KCNN1: variants seen among roughly 807,000 people sequenced by gnomAD.
KCNN1 encodes potassium calcium-activated channel subfamily N member 1.
A neutral mutation model predicts 44.7 loss-of-function variants in KCNN1; 20 were observed. That is an observed-to-expected ratio of 0.45 (90% CI 0.32 to 0.65). KCNN1 has a LOEUF of 0.65. Among genes scored for constraint, KCNN1 ranks in the 30% least tolerant of loss-of-function variants. The probability of loss-of-function intolerance (pLI) is 0.05; values close to 1 mark genes in which losing one functional copy is unlikely to be tolerated. For missense variants in KCNN1, 632 were observed against 785.3 expected (o/e 0.80, Z 2.33); for synonymous variants, 324 against 341.7 (o/e 0.95, Z 0.57).
At chr19:17,965,411 G>A (rs1451151397), upstream of KCNN1, among the ~76,000 whole-genome samples, 1 of 152,166 alleles carries the variant, frequency 6.6e-6, no homozygotes, top group African/African-American at 2.4e-5. Context: ...GGGGCCAGGA[G>A]CATTGAATGT....
intron 7 of KCNN1, among the ~76,000 whole-genome samples, chr19:17,991,813 C>T (rs1044507466): frequency 4.6e-5 from 7 of 152,118 alleles, no homozygotes; most frequent in Admixed American, 6.6e-5. Flanking sequence ...TGGGCCAGAC[C>T]GTTTCTGTCC....
intron 2 of KCNN1, among the ~76,000 whole-genome samples, chr19:17,957,979 G>A (rs1265494886): frequency 3.9e-5 from 6 of 152,192 alleles, no homozygotes; most frequent in African/African-American, 4.8e-5. Flanking sequence ...GATGAAATGT[G>A]GCCAGGTTTC....
rs767248314 is a variant in KCNN1 at position 17,993,560 on chromosome 19, G to A, written c.1377+1G>A. 6.2e-7 allele frequency: 1 copy of A among 1,613,718 alleles called. No homozygotes were observed. Among genetic ancestry groups the A allele is most frequent in the Admixed American group, 1.7e-5 (1 of 60,022 alleles). ...TAACACGCTTACCGACCTAGCCAAG[G>A]TGAGTGGGTTGGGGCAGGGTGGGCC... On this transcript the variant is annotated splice_donor_variant, in intron 9 of 9. Transcript: ENST00000684775. LOFTEE classifies it high-confidence loss of function. This position sits in a 1 kb window ranked among gnomAD's most constrained non-coding sequence, Gnocchi z 4.5.
At chr19:17,987,657 G>A (rs148478034) in intron 5 of KCNN1, among the ~76,000 whole-genome samples, 112 of 152,088 alleles carry the variant, frequency 7.4e-4, no homozygotes, top group African/African-American at 2.5e-3. Context: ...GCCCCTGCTT[G>A]TGCTCTAGGC....
intron 1 of KCNN1, among the ~76,000 whole-genome samples, chr19:17,952,775 C>T (rs974111978): frequency 6.6e-6 from 1 of 152,132 alleles, no homozygotes; most frequent in African/African-American, 2.4e-5. Flanking sequence ...AGGAGGGAAC[C>T]CCCCACCTGC....
At chr19:17,965,120 C>G (rs2031766825), upstream of KCNN1, among the ~76,000 whole-genome samples, 1 of 151,922 alleles carries the variant, frequency 6.6e-6, no homozygotes, top group Non-Finnish European at 1.5e-5. Flanking sequence ...CAAAAATTAG[C>G]CAGGTTTGGT....
Position 17,983,868 on chromosome 19 carries a change from G to A in KCNN1, c.918-1444G>A, listed in dbSNP as rs1332045511. ...CTCAGATGTTTTGGTGTAAGATGGGGGTCAGTCAGCTGGGCACCGTGGCTC... is the reference window on the plus strand; with the variant it reads ...CTCAGATGTTTTGGTGTAAGATGGGAGTCAGTCAGCTGGGCACCGTGGCTC... On this transcript the variant is annotated intron_variant, in intron 4 of 9. Transcript: ENST00000684775. The surrounding 1 kb of genome is among the most constrained non-coding windows in gnomAD (Gnocchi z 4.5). Among the ~76,000 whole-genome samples, 1 of 151,976 alleles carries A rather than the reference G, an allele frequency of 6.6e-6. No individual in the cohort carries two copies. Among genetic ancestry groups the A allele is most frequent in the Non-Finnish European group, 1.5e-5 (1 of 67,984 alleles).
In KCNN1 at chr19:17,967,145, G is replaced by T. The variant is rs956292091; in HGVS notation, c.-254G>T. ...CCGCCGGGCCCGTGGACTGGGCGGC[G>T]GGGGATGCGCCTGCCGCCGCCGCCC... is the stretch of plus-strand genomic sequence containing the variant. On this transcript the variant is annotated 5_prime_UTR_variant, in exon 1 of 10. Transcript: ENST00000684775. The T allele has an allele frequency of 3.1e-6, 3 of 970,662 alleles. No homozygotes were observed. The highest frequency in any genetic ancestry group is 5.3e-4 in the Middle Eastern group (1 of 1,904). 60.1% of individuals were successfully genotyped at this position (970,662 alleles called of 1,614,324 possible).
In KCNN1 at chr19:17,993,125, AG is replaced by A. The variant is rs914829891; in HGVS notation, c.1307+68del. ...TCGGGGGTGCATGGTGGTCACAGAC[AG>A]GGGGTACACCCGGGGCATGCCAACC... On this transcript the variant is annotated intron_variant, in intron 8 of 9. Transcript: ENST00000684775. This position sits in a 1 kb window ranked among gnomAD's most constrained non-coding sequence, Gnocchi z 4.5. The A allele has an allele frequency of 2.8e-5, 45 of 1,601,022 alleles. 1 individual carries two copies. Among genetic ancestry groups the A allele is most frequent in the Non-Finnish European group, 3.8e-5 (44 of 1,169,484 alleles).
chr19:17,994,833 C>T (rs1046422410), intron 9 of KCNN1, among the ~76,000 whole-genome samples: 9 of 152,214 alleles, frequency 5.9e-5, no homozygotes, highest in South Asian at 2.1e-4. Flanking sequence ...CGTGGGCCAC[C>T]GTGCCCAGCC....
At chr19:17,991,866 A>C (rs1366585300) in intron 7 of KCNN1, among the ~76,000 whole-genome samples, 1 of 152,172 alleles carries the variant, frequency 6.6e-6, no homozygotes, top group Non-Finnish European at 1.5e-5. Context: ...AGCAGTGAGG[A>C]TAACCTGGTG....
chr19:17,962,147 C>T (rs904071535), upstream of KCNN1, among the ~76,000 whole-genome samples: 1 of 152,150 alleles, frequency 6.6e-6, no homozygotes, highest in Admixed American at 6.5e-5. Context: ...GAGGGAGGGG[C>T]GCTCATGTCT....
chr19:17,967,646 A>G (rs1423812358), intron 1 of KCNN1, among the ~76,000 whole-genome samples: 1 of 151,726 alleles, frequency 6.6e-6, no homozygotes, highest in African/African-American at 2.4e-5. Flanking sequence ...GTGACCCGCA[A>G]TGACTTGGGA....
At chr19:17,976,435 G>A (rs74462178) in intron 3 of KCNN1, among the ~76,000 whole-genome samples, 1 of 137,860 alleles carries the variant, frequency 7.3e-6, no homozygotes, top group South Asian at 2.3e-4. Flanking sequence ...TTTTTTTTTT[G>A]AGACGGAGTT....
intron 9 of KCNN1, among the ~76,000 whole-genome samples, chr19:17,996,788 T>C (rs2033009079): frequency 6.6e-6 from 1 of 152,066 alleles, no homozygotes; most frequent in South Asian, 2.1e-4. Flanking sequence ...GTGTTTGCAC[T>C]CGGAGTGGGG....
intron 1 of KCNN1, among the ~76,000 whole-genome samples, chr19:17,968,600 C>G (rs1224227003): frequency 6.6e-6 from 1 of 152,060 alleles, no homozygotes; most frequent in African/African-American, 2.4e-5. Context: ...TCTGTCTCTT[C>G]CCATGTCCTG....
intron 6 of KCNN1, 149 bp downstream of exon 6, chr19:17,988,674 G>A (rs1303552139): frequency 3.0e-6 from 2 of 671,254 alleles, no homozygotes; most frequent in Admixed American, 2.2e-5. Context: ...GCTTTGGGAG[G>A]CCAAGGCAGG....
At position 17,974,865 on chromosome 19, in the gene KCNN1, G is replaced by A. The variant is rs963045312; in HGVS notation, c.403-227G>A. 2.0e-5 allele frequency among the ~76,000 whole-genome samples: 3 copies of A among 152,208 alleles called. No homozygotes were observed. The highest frequency in any genetic ancestry group is 4.4e-5 in the Non-Finnish European group (3 of 68,040). On this transcript the variant is annotated intron_variant, in intron 2 of 9. Coordinates refer to ENST00000684775, the MANE Select transcript of KCNN1 (RefSeq NM_001386974.1). The surrounding 1 kb of genome is among the most constrained non-coding windows in gnomAD (Gnocchi z 7.3). ...CCAGGAATAAGGACAGGAGAGCACC[G>A]CTTCCTGAATACAGCACATGCTGCA...
chr19:17,996,225 G>T (rs887747087), intron 9 of KCNN1, among the ~76,000 whole-genome samples: 6 of 150,806 alleles, frequency 4.0e-5, no homozygotes, highest in African/African-American at 1.5e-4. Flanking sequence ...AGGATCACTT[G>T]AGCCTGGGAG....
Sources: gnomAD v4.1 joint callset for allele counts (sites outside exome capture counted in the v4.1 genomes callset) on GRCh38, gnomAD v4.1.1 for gene constraint, Gnocchi (gnomAD v3.1) non-coding constraint, MANE v1.5 for transcripts, NCBI Gene and HGNC (gene_info 2026-07-23, HGNC 2026-07-21) for gene names.